Variants in DYM observed in about 807,000 individuals in gnomAD.
The protein encoded by DYM is dyggve-Melchior-Clausen syndrome protein.
Under a neutral mutation model 93.1 loss-of-function variants are expected in DYM, and 78 were observed. The ratio of observed to expected loss-of-function variants is 0.84; its 90% CI spans 0.70 to 1.01. The LOEUF is 1.01. Among genes scored for constraint, DYM ranks in the 50% least tolerant of loss-of-function variants. The pLI is 0.00. For synonymous variants in DYM, 321 were observed against 319.7 expected, an observed-to-expected ratio of 1.00 and a Z score of -0.04; for missense variants, 789 against 845.0, an observed-to-expected ratio of 0.93 and a Z score of 0.82.
intron 6 of DYM, among the ~76,000 whole-genome samples, chr18:49,337,378 T>C (rs1168478653): frequency 6.6e-6 from 1 of 152,134 alleles, no homozygotes; most frequent in African/African-American, 2.4e-5. Context: ...TACATGTGGA[T>C]TGGATGGGGC....
At chr18:49,395,743 T>C (rs887315266) in intron 2 of DYM, among the ~76,000 whole-genome samples, 4 of 152,048 alleles carry the variant, frequency 2.6e-5, no homozygotes, top group Non-Finnish European at 5.9e-5. Flanking sequence ...ATCACCCAGT[T>C]AGAATGGCTA....
chr18:49,256,580 T>C (rs542890054), intron 13 of DYM, among the ~76,000 whole-genome samples: 8 of 152,362 alleles, frequency 5.3e-5, no homozygotes, highest in African/African-American at 1.7e-4. Flanking sequence ...TTTCAGCCAC[T>C]AATTTTTGGT....
At chr18:49,459,036 T>C (rs1258082511) in intron 1 of DYM, among the ~76,000 whole-genome samples, 2 of 152,226 alleles carry the variant, frequency 1.3e-5, no homozygotes, top group African/African-American at 4.8e-5. Context: ...GTACCCTTTA[T>C]TATTTCACTG....
intron 5 of DYM, among the ~76,000 whole-genome samples, chr18:49,374,248 C>T (rs2067286825): frequency 1.3e-5 from 2 of 152,168 alleles, no homozygotes; most frequent in Admixed American, 1.3e-4. Flanking sequence ...TGCAGTATCT[C>T]TCACACACCA....
chr18:49,083,497 T>C (rs1167836817), intron 17 of DYM, among the ~76,000 whole-genome samples: 2 of 152,164 alleles, frequency 1.3e-5, no homozygotes, highest in Admixed American at 6.5e-5. Flanking sequence ...GATTTTGTTA[T>C]CAAGGTCATA....
At chr18:49,185,885 A>C (rs535054276) in intron 14 of DYM, among the ~76,000 whole-genome samples, 1 of 152,242 alleles carries the variant, frequency 6.6e-6, no homozygotes, top group African/African-American at 2.4e-5. Flanking sequence ...CTATGAAAAC[A>C]CCAACATTTG....
intron 6 of DYM, among the ~76,000 whole-genome samples, chr18:49,337,306 C>A (rs117741232): frequency 3.3e-5 from 5 of 152,168 alleles, no homozygotes; most frequent in African/African-American, 1.2e-4. Flanking sequence ...GACCAACATC[C>A]ACCTCCTGTT....
intron 17 of DYM, among the ~76,000 whole-genome samples, chr18:49,095,499 T>G (rs1002309850): frequency 2.0e-4 from 31 of 152,010 alleles, no homozygotes; most frequent in African/African-American, 7.5e-4. Context: ...TTCTATCCTT[T>G]TGCAACCATG....
intron 15 of DYM, among the ~76,000 whole-genome samples, chr18:49,139,464 T>C (rs1304610760): frequency 4.6e-5 from 7 of 152,170 alleles, no homozygotes; most frequent in Non-Finnish European, 5.9e-5. Flanking sequence ...TTTACTGATA[T>C]GCTAAACTGT....
At chr18:49,262,345 G>C (rs1476220363) in intron 11 of DYM, among the ~76,000 whole-genome samples, 1 of 152,108 alleles carries the variant, frequency 6.6e-6, no homozygotes, top group African/African-American at 2.4e-5. Flanking sequence ...CCTTGACTTT[G>C]GACTTTCAGG....
At chr18:49,448,598 G>A (rs1346227475) in intron 1 of DYM, among the ~76,000 whole-genome samples, 1 of 152,144 alleles carries the variant, frequency 6.6e-6, no homozygotes, top group Non-Finnish European at 1.5e-5. Flanking sequence ...GCAACCATGG[G>A]CAGCATGTTC....
At chr18:49,044,284 G>A in intron 17 of DYM, 80 bp from the exon 18 acceptor site, 3 of 1,547,992 alleles carry the variant, frequency 1.9e-6, no homozygotes, top group South Asian at 1.1e-5. Flanking sequence ...AGGTGGTGCT[G>A]TGGTGTGCGG....
intron 13 of DYM, among the ~76,000 whole-genome samples, chr18:49,222,642 T>C (rs933613366): frequency 1.3e-5 from 2 of 152,034 alleles, no homozygotes; most frequent in Non-Finnish European, 2.9e-5. Flanking sequence ...AGGTTCATAA[T>C]AAAATAAATA....
chr18:49,390,252 C>A (rs2069072848), intron 3 of DYM, among the ~76,000 whole-genome samples: 1 of 152,054 alleles, frequency 6.6e-6, no homozygotes, highest in African/African-American at 2.4e-5. Flanking sequence ...ACAGGAGACC[C>A]CCATCTATAC....
chr18:49,224,197 T>G (rs1023446259), intron 13 of DYM, among the ~76,000 whole-genome samples: 2 of 151,942 alleles, frequency 1.3e-5, no homozygotes, highest in African/African-American at 4.8e-5. Flanking sequence ...TAAATGGTGG[T>G]GTCATTCAAT....
At chr18:49,451,550 A>G (rs2082516749) in intron 1 of DYM, among the ~76,000 whole-genome samples, 4 of 152,218 alleles carry the variant, frequency 2.6e-5, no homozygotes, top group Admixed American at 2.6e-4. Context: ...CCCAACTCAC[A>G]GGTATTTGAA....
chr18:49,341,448 C>A (rs2064118852), intron 6 of DYM, among the ~76,000 whole-genome samples: 1 of 141,238 alleles, frequency 7.1e-6, no homozygotes, highest in African/African-American at 2.7e-5. Flanking sequence ...GCTGAGATCG[C>A]ACCACTGCAT....
chr18:49,268,380 A>G (rs1008087418), intron 11 of DYM, among the ~76,000 whole-genome samples: 1 of 152,224 alleles, frequency 6.6e-6, no homozygotes, highest in African/African-American at 2.4e-5. Flanking sequence ...CATCTAAAAT[A>G]TCCTGAAATC....
intron 11 of DYM, among the ~76,000 whole-genome samples, chr18:49,269,265 C>G (rs1034087562): frequency 6.6e-6 from 1 of 152,168 alleles, no homozygotes; most frequent in Admixed American, 6.5e-5. Context: ...CAAATCAAAA[C>G]CATCACACCA....
Sources: gnomAD v4.1 joint callset for allele counts (sites outside exome capture counted in the v4.1 genomes callset) on GRCh38, gnomAD v4.1.1 for gene constraint, MANE v1.5 for transcripts, NCBI Gene and HGNC (gene_info 2026-07-23, HGNC 2026-07-21) for gene names.